Variants in CNTRL observed in about 807,000 individuals in gnomAD.
CNTRL encodes the protein 110 kDa centrosomal protein.
A neutral mutation model predicts 303.7 loss-of-function variants in CNTRL; 233 were observed. The observed-to-expected ratio is 0.77, with a 90% CI of 0.69 to 0.86. CNTRL has a LOEUF of 0.86. Ranked by LOEUF, CNTRL falls within the 40% of genes least tolerant of loss-of-function variation. The pLI is 0.00. For synonymous variants in CNTRL, 900 were observed against 922.2 expected (o/e 0.98, Z 0.44); for missense variants, 2,524 against 2,650.6 (o/e 0.95, Z 1.05).
chr9:121,150,229 C>A lies in CNTRL; in HGVS notation c.3709C>A (p.Pro1237Thr), dbSNP rs2052143469. ...TGAGCTGGATGACCAAGAAGAACCC[C>A]CATTTGTGCCTCCTCCTGGATACAT... ...ESELDDQEEP[P>T]FVPPPGYMMY... is the part of the protein sequence containing the mutation. The change falls in exon 25 of 44, where the codon CCA becomes ACA. Residue 1237 changes from proline to threonine, a missense_variant. Coordinates refer to ENST00000373855, the MANE Select transcript of CNTRL (RefSeq NM_007018.6). The A allele has an allele frequency of 6.2e-7, 1 of 1,613,770 alleles. No individual in the cohort carries two copies. Among genetic ancestry groups the A allele is most frequent in the Admixed American group, 1.7e-5 (1 of 59,968 alleles).
chr9:121,148,647 T>C, intron 23 of CNTRL, 25 bp from the exon 24 acceptor site: 2 of 1,593,116 alleles, frequency 1.3e-6, no homozygotes, highest in Non-Finnish European at 1.7e-6. Flanking sequence ...TAATAGATAG[T>C]GTGCTCTGCT....
Position 121,141,419 on chromosome 9 carries a change from C to T in CNTRL, c.2522C>T (p.Ala841Val). 6.2e-7 allele frequency: 1 copy of T among 1,613,942 alleles called. No homozygotes were observed. The highest frequency in any genetic ancestry group is 1.7e-5 in the Admixed American group (1 of 60,014). ...TCAGATGTCTTAGGGAAAAGTCTTG[C>T]TGATTTACAGAAACAATTCAGTGAA... ...SPSDVLGKSLADLQKQFSEIL... is the reference protein window; with the variant it reads ...SPSDVLGKSLVDLQKQFSEIL... The change falls in exon 18 of 44, where the codon GCT (alanine) becomes GTT (valine). Residue 841 changes from alanine to valine, a missense_variant. Transcript: ENST00000373855.
Position 121,148,787 on chromosome 9 carries a change from AACC to A in CNTRL, c.3576_3578del (p.Gln1192_Pro1193delinsHis). On this transcript the variant is annotated inframe_deletion, in exon 24 of 44. Coordinates refer to ENST00000373855, the MANE Select transcript of CNTRL (RefSeq NM_007018.6). ...CAGCAGGATGGGAAGGAAGGCAGTC[AACC>A]TCCCCCTGCCTCAGGATACTGGGTT... is the stretch of plus-strand genomic sequence containing the variant. 1 of 1,614,080 alleles carries A rather than the reference AACC, an allele frequency of 6.2e-7. No individual in the cohort carries two copies. Among genetic ancestry groups the A allele is most frequent in the Non-Finnish European group, 8.5e-7 (1 of 1,180,000 alleles).
In CNTRL at chr9:121,088,484, G is replaced by A. The variant is rs2048433138; in HGVS notation, c.158G>A (p.Cys53Tyr). 6.2e-7 allele frequency: 1 copy of A among 1,613,022 alleles called. No homozygotes were observed. Among genetic ancestry groups the A allele is most frequent in the Admixed American group, 1.7e-5 (1 of 59,988 alleles). The change falls in exon 3 of 44, where the codon TGT becomes TAT. Residue 53 changes from cysteine (C) to tyrosine (Y), a missense_variant. By Grantham distance (194) the Cys-to-Tyr change is radical. Coordinates refer to ENST00000373855, the MANE Select transcript of CNTRL (RefSeq NM_007018.6). Reference sequence around the variant, plus strand: ...CCTTTTCATTCTGGAGGACAGTGGTGTGAGCAAGTTGAGATTGCAGATGAA... The same window carrying A: ...CCTTTTCATTCTGGAGGACAGTGGTATGAGCAAGTTGAGATTGCAGATGAA... The part of the protein sequence containing the change: ...TLPFHSGGQW[C>Y]EQVEIADENN...
intron 37 of CNTRL, 81 bp from the exon 38 acceptor site, chr9:121,168,015 T>C (rs2053160656): frequency 8.3e-7 from 1 of 1,198,660 alleles, no homozygotes; most frequent in South Asian, 1.4e-5. Context: ...TCTTTTGACC[T>C]GGAATCTGTC....
At chr9:121,121,756 CG>C in intron 12 of CNTRL, 1 of 984,886 alleles carries the variant, frequency 1.0e-6, no homozygotes, top group East Asian at 1.1e-4. Flanking sequence ...ATTGGATGGG[CG>C]GGGCCGCCGC....
intron 7 of CNTRL, 33 bp downstream of exon 7, chr9:121,098,605 G>C: frequency 7.3e-7 from 1 of 1,376,508 alleles, no homozygotes; most frequent in Non-Finnish European, 9.9e-7. Flanking sequence ...ATAAATTTGG[G>C]TGAGGGAGGA....
chr9:121,140,468 T>C (rs2051440695), intron 16 of CNTRL, among the ~76,000 whole-genome samples, 173 bp from the exon 17 acceptor site: 1 of 152,256 alleles, frequency 6.6e-6, no homozygotes, highest in Non-Finnish European at 1.5e-5. Flanking sequence ...CAGTTAACAT[T>C]GTTACACTGA....
intron 12 of CNTRL, among the ~76,000 whole-genome samples, chr9:121,120,529 T>A (rs1020171672): frequency 2.6e-5 from 4 of 152,158 alleles, no homozygotes; most frequent in Admixed American, 2.6e-4. Context: ...GGTATCCGTA[T>A]CCCCAGGGAC....
chr9:121,173,214 A>G (rs780685598), intron 40 of CNTRL, 29 bp from the exon 41 acceptor site: 2 of 1,579,018 alleles, frequency 1.3e-6, no homozygotes, highest in East Asian at 2.3e-5. Context: ...ATTTTATACA[A>G]TGATATTTGA....
In CNTRL at chr9:121,167,560, T is replaced by G; in HGVS notation, c.5727T>G (p.Ser1909Arg). ...AGACCCGACTCCAGAAGGACATCAG[T>G]GAATGGGCAAATAGGTTTGAAGACT... ...SEQTRLQKDI[S>R]EWANRFEDCQ... The change falls in exon 37 of 44, where the codon AGT (serine) becomes AGG (arginine). Residue 1909 changes from serine (S) to arginine (R), a missense_variant. Transcript: ENST00000373855. The G allele has an allele frequency of 9.9e-6, 16 of 1,614,034 alleles. No individual in the cohort carries two copies. The highest frequency in any genetic ancestry group is 1.4e-5 in the Non-Finnish European group (16 of 1,179,996).
intron 13 of CNTRL, among the ~76,000 whole-genome samples, chr9:121,125,146 TTTTTA>T (rs2050444713): frequency 6.6e-6 from 1 of 152,050 alleles, no homozygotes; most frequent in Non-Finnish European, 1.5e-5. Flanking sequence ...TGGTACATAT[TTTTTA>T]TTTTATTTGT....
intron 24 of CNTRL, among the ~76,000 whole-genome samples, chr9:121,149,567 G>A (rs1001296320): frequency 5.9e-5 from 9 of 151,898 alleles, no homozygotes; most frequent in Non-Finnish European, 1.3e-4. Context: ...CACCATGCCT[G>A]GCTAATTTTT....
intron 14 of CNTRL, among the ~76,000 whole-genome samples, chr9:121,130,978 G>A (rs533788692): frequency 7.3e-5 from 11 of 151,274 alleles, no homozygotes; most frequent in African/African-American, 2.7e-4. Context: ...TAATTTGATT[G>A]CACTGTGGTC....
intron 10 of CNTRL, among the ~76,000 whole-genome samples, chr9:121,114,177 C>T (rs1013125783): frequency 2.6e-5 from 4 of 152,192 alleles, no homozygotes; most frequent in African/African-American, 9.7e-5. Flanking sequence ...TGCCCCATGC[C>T]CCACAATCTA....
intron 20 of CNTRL, 49 bp from the exon 21 acceptor site, chr9:121,144,794 G>A: frequency 7.3e-7 from 1 of 1,373,828 alleles, no homozygotes; most frequent in Non-Finnish European, 1.0e-6. Flanking sequence ...AAATGAAGAA[G>A]ACAACCTGTG....
chr9:121,131,971 T>C (rs2050887914), intron 14 of CNTRL, among the ~76,000 whole-genome samples: 1 of 152,266 alleles, frequency 6.6e-6, no homozygotes, highest in South Asian at 2.1e-4. Flanking sequence ...CTCTACTCTC[T>C]TCTGGCTTGT....
In CNTRL at chr9:121,126,073, C is replaced by G. The variant is rs894805649; in HGVS notation, c.2025+137C>G. ...CTATATGGTGATTTTTTTCTTTTAA[C>G]AGTTGGGCTTTTTTTTTTCTTCTTT... On this transcript the variant is annotated intron_variant, in intron 14 of 43. Coordinates refer to ENST00000373855, the MANE Select transcript of CNTRL (RefSeq NM_007018.6). 2.2e-5 allele frequency: 14 copies of G among 645,530 alleles called. No individual in the cohort carries two copies. In the Admixed American group the frequency reaches 4.1e-4, roughly 19 times the overall value. The allele number at this position is 645,530 out of a possible 1,614,324, so 40.0% of individuals were successfully genotyped here.
chr9:121,143,195 T>G (rs751150135), intron 19 of CNTRL, among the ~76,000 whole-genome samples: 2 of 152,234 alleles, frequency 1.3e-5, no homozygotes, highest in Non-Finnish European at 2.9e-5. Flanking sequence ...CCAGCCTCAG[T>G]GAATGCCTTG....
Sources: gnomAD v4.1 joint callset for allele counts (sites outside exome capture counted in the v4.1 genomes callset) on GRCh38, gnomAD v4.1.1 for gene constraint, MANE v1.5 for transcripts, NCBI Gene and HGNC (gene_info 2026-07-23, HGNC 2026-07-21) for gene names.